The following KAT6A variants were observed in gnomAD, a reference collection of about 807,000 sequenced individuals.
KAT6A encodes lysine acetyltransferase 6A, also known as histone acetyltransferase KAT6A.
KAT6A carries 9 observed loss-of-function variants against 198.4 expected under a neutral mutation model. The observed-to-expected ratio is 0.05, with a 90% CI of 0.03 to 0.08. The LOEUF (loss-of-function observed/expected upper bound fraction) is 0.08, where lower values mean the gene tolerates loss of function less well. Among genes scored for constraint, KAT6A ranks in the 10% least tolerant of loss-of-function variants. The pLI, the probability that KAT6A is intolerant of heterozygous loss-of-function variation, is 1.00. For synonymous variants in KAT6A, 890 were observed against 883.0 expected, an observed-to-expected ratio of 1.01 and a Z score of -0.14; for missense variants, 2,077 against 2,509.9, an observed-to-expected ratio of 0.83 and a Z score of 3.69.
chr8:41,974,966 C>T, intron 7 of KAT6A, 144 bp from the exon 8 acceptor site: 1 of 458,676 alleles, frequency 2.2e-6, no homozygotes, highest in Non-Finnish European at 3.9e-6. Flanking sequence ...AAGAATGCTA[C>T]TCAATAAATA....
chr8:41,940,775 C>A, intron 15 of KAT6A, 67 bp downstream of exon 15: 1 of 1,530,934 alleles, frequency 6.5e-7, no homozygotes, highest in South Asian at 1.3e-5. Context: ...GAACTGTAAG[C>A]TAAAACGAGA....
In KAT6A at chr8:41,947,925, A is replaced by G. The variant is rs1822475031; in HGVS notation, c.1741-13T>C. ...CATTCCCATCAACCTAGAGAAATAA[A>G]CAGAACAAAACAGTCAGTAGAGGGT... On this transcript the variant is annotated splice_polypyrimidine_tract_variant and intron_variant, in intron 10 of 16. Transcript: ENST00000265713. 1 of 1,574,688 alleles carries G rather than the reference A, an allele frequency of 6.4e-7. No homozygotes were observed. The highest frequency in any genetic ancestry group is 2.2e-5 in the East Asian group (1 of 44,494).
At chr8:42,033,623 T>C (rs1827236017) in intron 2 of KAT6A, among the ~76,000 whole-genome samples, 1 of 152,182 alleles carries the variant, frequency 6.6e-6, no homozygotes, top group Non-Finnish European at 1.5e-5. Flanking sequence ...TGACTTCCTC[T>C]GAACAGACTT....
intron 8 of KAT6A, among the ~76,000 whole-genome samples, chr8:41,964,832 T>C (rs952991419): frequency 3.9e-5 from 6 of 152,064 alleles, no homozygotes; most frequent in African/African-American, 4.8e-5. Flanking sequence ...AACAGTTACG[T>C]GAATGTGGTC....
At chr8:41,967,582 T>C (rs1280961629) in intron 8 of KAT6A, among the ~76,000 whole-genome samples, 2 of 151,978 alleles carry the variant, frequency 1.3e-5, no homozygotes, top group Non-Finnish European at 2.9e-5. Flanking sequence ...TTACTGAGAA[T>C]GATGATTTCC....
chr8:42,040,325 A>AT (rs2150927162), intron 2 of KAT6A, among the ~76,000 whole-genome samples: 1 of 152,324 alleles, frequency 6.6e-6, no homozygotes, highest in East Asian at 1.9e-4. Flanking sequence ...TCCTGAAGCC[A>AT]TTTGTGGTAC....
intron 15 of KAT6A, among the ~76,000 whole-genome samples, chr8:41,940,427 T>G (rs1347195397): frequency 6.6e-6 from 1 of 152,190 alleles, no homozygotes; most frequent in Non-Finnish European, 1.5e-5. Context: ...ATGTTCACTT[T>G]CCAATTAATT....
At chr8:42,012,733 G>A (rs1490059009) in intron 2 of KAT6A, among the ~76,000 whole-genome samples, 3 of 152,162 alleles carry the variant, frequency 2.0e-5, no homozygotes, top group Non-Finnish European at 1.5e-5. Context: ...GGAAACTACT[G>A]TACTATATTC....
Position 41,941,360 on chromosome 8 carries a change from C to A in KAT6A, c.2521G>T (p.Val841Phe), listed in dbSNP as rs764695908. ...TGTTTGCTCAAACGTGTAGAACTGA[C>A]TGGAGCCATAACTTCTGGTTTCTTT... ...SEKKPEVMAP[V>F]SSTRLSKQVL... The change falls in exon 15 of 17, where the codon GTC becomes TTC. Residue 841 changes from valine (V) to phenylalanine (F), a missense_variant. Coordinates refer to ENST00000265713, the MANE Select transcript of KAT6A (RefSeq NM_006766.5). 1 of 1,612,054 alleles carries A rather than the reference C, an allele frequency of 6.2e-7. No homozygotes were observed. Among genetic ancestry groups the A allele is most frequent in the Admixed American group, 1.7e-5 (1 of 59,978 alleles).
chr8:42,011,878 G>A (rs561571260), intron 2 of KAT6A, among the ~76,000 whole-genome samples: 57 of 150,598 alleles, frequency 3.8e-4, no homozygotes, highest in Non-Finnish European at 6.8e-4. Context: ...ACAGAGGTGT[G>A]GGGAAAAAAA....
intron 2 of KAT6A, among the ~76,000 whole-genome samples, chr8:41,998,335 T>C (rs922828885): frequency 6.6e-6 from 1 of 152,156 alleles, no homozygotes; most frequent in African/African-American, 2.4e-5. Flanking sequence ...CATATTCCCT[T>C]TAGGAAACTC....
In KAT6A at chr8:41,934,305, A is replaced by T; in HGVS notation, c.3915T>A (p.Ala1305=). 1 of 1,614,042 alleles carries T rather than the reference A, an allele frequency of 6.2e-7. No homozygotes were observed. The highest frequency in any genetic ancestry group is 8.5e-7 in the Non-Finnish European group (1 of 1,180,014). The change falls in exon 17 of 17, where the codon GCT becomes GCA. Residue 1305 remains alanine, a synonymous_variant. Transcript: ENST00000265713. ...EPEPEEEEDA[A]AETAQNDDHD... is the part of the protein sequence containing the mutation. ...GGTCGTCATTCTGGGCAGTCTCTGC[A>T]GCTGCATCTTCCTCCTCCTCTGGCT...
chr8:41,941,262 T>C lies in KAT6A; in HGVS notation c.2619A>G (p.Arg873=). The C allele has an allele frequency of 6.2e-7, 1 of 1,614,218 alleles. No individual in the cohort carries two copies. The highest frequency in any genetic ancestry group is 8.5e-7 in the Non-Finnish European group (1 of 1,180,038). ...SRRGRWGRKN[R]KTQERFGDKD... is the part of the protein sequence containing the mutation. ...TATCACCAAAACGTTCCTGGGTTTT[T>C]CTGTTCTTCCTCCCCCAGCGGCCCC... Residue 873 remains arginine (R), a synonymous_variant, in exon 15 of 17, where the codon AGA becomes AGG. Transcript: ENST00000265713.
At chr8:42,020,119 C>T (rs1301349534) in intron 2 of KAT6A, among the ~76,000 whole-genome samples, 1 of 152,096 alleles carries the variant, frequency 6.6e-6, no homozygotes. Flanking sequence ...GAGTGATATG[C>T]TGCCAATCTA....
At chr8:42,024,961 C>T (rs567667340) in intron 2 of KAT6A, among the ~76,000 whole-genome samples, 89 of 152,188 alleles carry the variant, frequency 5.8e-4, no homozygotes, top group Non-Finnish European at 2.9e-5. Flanking sequence ...AGATAAACAC[C>T]TAATAGTGGA....
At chr8:41,991,091 G>A (rs1300978029) in intron 2 of KAT6A, among the ~76,000 whole-genome samples, 2 of 151,120 alleles carry the variant, frequency 1.3e-5, no homozygotes, top group South Asian at 2.1e-4. Context: ...AAATGTTGAC[G>A]TTATCTACTA....
At chr8:42,047,930 G>C (rs910971474) in intron 2 of KAT6A, among the ~76,000 whole-genome samples, 1 of 151,806 alleles carries the variant, frequency 6.6e-6, no homozygotes, top group Non-Finnish European at 1.5e-5. Flanking sequence ...CAACAAAATG[G>C]AAAACAGAAA....
rs1474600864 is a variant in KAT6A, at chr8:41,929,876, A to G, written c.*2329T>C. The G allele has an allele frequency of 4.8e-6, 1 of 207,228 alleles. No homozygotes were observed. Among genetic ancestry groups the G allele is most frequent in the African/African-American group, 2.3e-5 (1 of 43,868 alleles). 12.8% of individuals were successfully genotyped at this position (207,228 alleles called of 1,614,324 possible). A position where few individuals can be genotyped will look rare whatever the true frequency, so the allele number is the denominator to read the frequency against. On this transcript the variant is annotated 3_prime_UTR_variant, in exon 17 of 17. Transcript: ENST00000265713. ...TAAAAAATTTTAAAGATGGAATGAA[A>G]TGAAAAAGCTCTTATTTTAAAAGGC...
rs1822417214 is a variant in KAT6A, at chr8:41,946,756, A to T, written c.1903-72T>A. ...TGAATAATAACGTGAATTAAGAAACAAAGACTAATGGCCAAAACCCACAGC... is the reference window on the plus strand; with the variant it reads ...TGAATAATAACGTGAATTAAGAAACTAAGACTAATGGCCAAAACCCACAGC... On this transcript the variant is annotated intron_variant, in intron 11 of 16. Transcript: ENST00000265713. 1.9e-5 allele frequency: 17 copies of T among 918,182 alleles called. No homozygotes were observed. In the South Asian group the frequency reaches 2.3e-4, roughly 12 times the overall value. The allele number at this position is 918,182 out of a possible 1,614,324, so 56.9% of individuals were successfully genotyped here. A position where few individuals can be genotyped will look rare whatever the true frequency, so the allele number is the denominator to read the frequency against.
Sources: allele counts gnomAD v4.1 joint callset (sites outside exome capture counted in the v4.1 genomes callset), GRCh38; gene constraint gnomAD v4.1.1; transcripts MANE v1.5; gene names NCBI Gene and HGNC (gene_info 2026-07-23, HGNC 2026-07-21).